TTN: variants seen among roughly 807,000 people sequenced by gnomAD.
The protein encoded by TTN is connectin.
Under a neutral mutation model 3,223.0 loss-of-function variants are expected in TTN, and 1,525 were observed. That is an observed-to-expected ratio of 0.47 (90% CI 0.45 to 0.49). TTN has a LOEUF of 0.49. TTN is among the 20% of genes least tolerant of loss of function. The pLI is 0.00. For missense variants in TTN, 40,786 were observed against 43,424.0 expected (o/e 0.94, Z 5.40); for synonymous variants, 14,094 against 15,161.0 (o/e 0.93, Z 5.17).
chr2:178,740,878 C>T lies in TTN; in HGVS notation c.12355G>A (p.Glu4119Lys). The change falls in exon 48 of 363, where the codon GAG becomes AAG. Residue 4119 changes from glutamate (E) to lysine (K), a missense_variant. Coordinates refer to ENST00000589042, the MANE Select transcript of TTN (RefSeq NM_001267550.2). Reference sequence around the variant, plus strand: ...CTTTCAGGAGTGAGCTTGTCTTGCTCCAAAATGGATTGCAATTCCTGAGCT... The same window carrying T: ...CTTTCAGGAGTGAGCTTGTCTTGCTTCAAAATGGATTGCAATTCCTGAGCT... Reference protein sequence around the residue: ...LGAQELQSILEQDKLTPESTR... With the variant: ...LGAQELQSILKQDKLTPESTR... 6.2e-7 allele frequency: 1 copy of T among 1,613,824 alleles called. No homozygotes were observed. Among genetic ancestry groups the T allele is most frequent in the Non-Finnish European group, 8.5e-7 (1 of 1,179,834 alleles).
intron 250 of TTN, 177 bp from the exon 251 acceptor site, chr2:178,619,030 TGC>T (rs2057838594): frequency 1.2e-6 from 1 of 819,108 alleles, no homozygotes; most frequent in African/African-American, 1.8e-5. Flanking sequence ...GTTGTTGTTG[TGC>T]GTGCAAATTA....
chr2:178,743,576 T>C (rs2082886785), intron 47 of TTN, among the ~76,000 whole-genome samples: 1 of 152,000 alleles, frequency 6.6e-6, no homozygotes, highest in Non-Finnish European at 1.5e-5. Context: ...TTTCAGCTCT[T>C]CCTGAAATCC....
Position 178,530,481 on chromosome 2 carries a change from G to T in TTN, c.106134C>A (p.Ala35378=), listed in dbSNP as rs372562222. 8 of 1,613,840 alleles carry T rather than the reference G, an allele frequency of 5.0e-6. 1 individual carries two copies. In the African/African-American group the frequency reaches 9.3e-5, roughly 19 times the overall value. ...SKTNLQFMGQ[A]FKSIHEKVSK... is the part of the protein sequence containing the mutation. ...ATACCTTCTCATGGATACTCTTAAA[G>T]GCTTGCCCCATAAATTGTAAGTTGG... is the stretch of plus-strand genomic sequence containing the variant. Residue 35378 remains alanine, a synonymous_variant, in exon 358 of 363, where the codon GCC becomes GCA. Transcript: ENST00000589042.
At chr2:178,582,739 A>C in intron 313 of TTN, 147 bp from the exon 314 acceptor site, 2 of 962,996 alleles carry the variant, frequency 2.1e-6, no homozygotes, top group Non-Finnish European at 2.9e-6. Flanking sequence ...TAGTTTCTTC[A>C]CTTGTAAAAT....
In TTN at chr2:178,734,383, A is replaced by G; in HGVS notation, c.15441T>C (p.Cys5147=). Residue 5147 remains cysteine (C), a synonymous_variant, in exon 52 of 363, where the codon TGT becomes TGC. Transcript: ENST00000589042. ...ACTTGCCGACTTCATTAGCAACAAC[A>G]CATTCATATTCACCAACATCTGCAC... ...FNSADVGEYE[C]VVANEVGKCG... The G allele has an allele frequency of 6.2e-7, 1 of 1,612,226 alleles. No homozygotes were observed. Among genetic ancestry groups the G allele is most frequent in the African/African-American group, 1.3e-5 (1 of 74,992 alleles).
At chr2:178,749,090 G>A (rs1032666333) in intron 47 of TTN, 5 of 1,612,762 alleles carry the variant, frequency 3.1e-6, no homozygotes, top group Non-Finnish European at 4.2e-6. Flanking sequence ...TACAATGGCA[G>A]ATGAATCTTT....
At position 178,728,711 on chromosome 2, in the gene TTN, T is replaced by C; in HGVS notation, c.19215A>G (p.Glu6405=). ...DVTEKDPMTL[E]CVVAGTPELK... The stretch of plus-strand genomic sequence containing the variant: ...GTTCTGGTGTTCCAGCCACAACACA[T>C]TCCAAGGTCATGGGATCTTTCTCCG... Residue 6405 remains glutamate, a synonymous_variant, in exon 66 of 363, where the codon GAA becomes GAG. Coordinates refer to ENST00000589042, the MANE Select transcript of TTN (RefSeq NM_001267550.2). 1 of 1,612,748 alleles carries C rather than the reference T, an allele frequency of 6.2e-7. No homozygotes were observed. The highest frequency in any genetic ancestry group is 8.5e-7 in the Non-Finnish European group (1 of 1,178,924).
At chr2:178,789,561 C>T in intron 12 of TTN, 64 bp from the exon 13 acceptor site, 2 of 1,600,020 alleles carry the variant, frequency 1.2e-6, no homozygotes, top group Non-Finnish European at 8.5e-7. Flanking sequence ...TAGTATGACC[C>T]TTCCCCCTTC....
chr2:178,675,509 GA>G (rs2067883262), intron 149 of TTN, among the ~76,000 whole-genome samples, 161 bp downstream of exon 149: 1 of 151,736 alleles, frequency 6.6e-6, no homozygotes, highest in South Asian at 2.1e-4. Flanking sequence ...AACACCAAGT[GA>G]AAAAATGGAC....
At position 178,730,081 on chromosome 2, in the gene TTN, T is replaced by A; in HGVS notation, c.18307+12A>T. 6.2e-7 allele frequency: 1 copy of A among 1,607,266 alleles called. No homozygotes were observed. The highest frequency in any genetic ancestry group is 8.5e-7 in the Non-Finnish European group (1 of 1,177,188). On this transcript the variant is annotated intron_variant, in intron 62 of 362. Transcript: ENST00000589042. ...AGACAAGCAAGAAAGTGAGGAGATGTAGAGACCAGACCTTTTACAAAGAGA... is the reference window on the plus strand; with the variant it reads ...AGACAAGCAAGAAAGTGAGGAGATGAAGAGACCAGACCTTTTACAAAGAGA...
rs1371613871 is a variant in TTN, at chr2:178,741,808, T to A, written c.11425A>T (p.Thr3809Ser). The A allele has an allele frequency of 6.2e-7, 1 of 1,613,098 alleles. No individual in the cohort carries two copies. Among genetic ancestry groups the A allele is most frequent in the Non-Finnish European group, 8.5e-7 (1 of 1,179,528 alleles). Residue 3809 changes from threonine to serine, a missense_variant, in exon 48 of 363, where the codon ACT becomes TCT. By Grantham distance (58) the Thr-to-Ser change is moderately conservative. Transcript: ENST00000589042. ...CCTTCCTTTTCGGAATCAAATTTAGTTGGGTAAACTGGAGATTCAGACAAA... is the reference window on the plus strand; with the variant it reads ...CCTTCCTTTTCGGAATCAAATTTAGATGGGTAAACTGGAGATTCAGACAAA... ...ELLSESPVYPTKFDSEKEGTG... is the reference protein window; with the variant it reads ...ELLSESPVYPSKFDSEKEGTG...
At position 178,728,141 on chromosome 2, in the gene TTN, A is replaced by G. The variant is rs767848507; in HGVS notation, c.19683T>C (p.Asp6561=). 1 of 1,601,040 alleles carries G rather than the reference A, an allele frequency of 6.2e-7. No individual in the cohort carries two copies. The highest frequency in any genetic ancestry group is 8.5e-7 in the Non-Finnish European group (1 of 1,172,516). ...YTCKVSNVAG[D]DACSGILTVK... ...CAGTTAAGATGCCACTGCATGCATC[A>G]TCTCCTGCTACATTTGACACTTTGC... The change falls in exon 67 of 363, where the codon GAT becomes GAC. Residue 6561 remains aspartate (D), a synonymous_variant. Coordinates refer to ENST00000589042, the MANE Select transcript of TTN (RefSeq NM_001267550.2).
rs794729411 is a variant in TTN at position 178,681,681 on chromosome 2, G to C, written c.33152C>G (p.Pro11051Arg). 9 of 1,604,796 alleles carry C rather than the reference G, an allele frequency of 5.6e-6. No homozygotes were observed. The highest frequency in any genetic ancestry group is 7.6e-6 in the Non-Finnish European group (9 of 1,177,604). The change falls in exon 136 of 363, where the codon CCA becomes CGA. Residue 11051 changes from proline (P) to arginine (R), a missense_variant. Physicochemically the swap from Pro to Arg is moderately radical, Grantham distance 103. Coordinates refer to ENST00000589042, the MANE Select transcript of TTN (RefSeq NM_001267550.2). ...PVPEEPVPTK[P>R]KAPPAKVLKK... ...TCTACCTTTAGCCGGTGGGGCCTTT[G>C]GTTTTGTGGGAACTGGTTCTTCTGG... is the stretch of plus-strand genomic sequence containing the variant.
In TTN at chr2:178,587,798, G is replaced by A; in HGVS notation, c.63511C>T (p.Pro21171Ser). Residue 21171 changes from proline to serine, a missense_variant and splice_region_variant, in exon 306 of 363, where the codon CCT (proline) becomes TCT (serine). Physicochemically the swap from Pro to Ser is moderately conservative, Grantham distance 74. Coordinates refer to ENST00000589042, the MANE Select transcript of TTN (RefSeq NM_001267550.2). ...EAIKPKEILEPPEIDLDASMR... is the reference protein window; with the variant it reads ...EAIKPKEILESPEIDLDASMR... ...CTGGCATCCAAATCAATCTCCGGAG[G>A]TTCTGCAAATGACATTAAGGTCATT... 1 of 1,595,132 alleles carries A rather than the reference G, an allele frequency of 6.3e-7. No individual in the cohort carries two copies. Among genetic ancestry groups the A allele is most frequent in the Non-Finnish European group, 8.5e-7 (1 of 1,169,986 alleles).
At position 178,717,075 on chromosome 2, in the gene TTN, T is replaced by G. The variant is rs1293169849; in HGVS notation, c.25639+20A>C. The stretch of plus-strand genomic sequence containing the variant: ...ACTGAAAATGTAAAAGAGATCTTGC[T>G]CCTTCACTCTAACAAGTACCTTGTA... On this transcript the variant is annotated intron_variant, in intron 88 of 362. Transcript: ENST00000589042. 3.1e-6 allele frequency: 5 copies of G among 1,589,040 alleles called. No individual in the cohort carries two copies. The highest frequency in any genetic ancestry group is 4.3e-6 in the Non-Finnish European group (5 of 1,164,718).
intron 138 of TTN, 62 bp downstream of exon 138, chr2:178,681,017 G>T: frequency 7.5e-7 from 1 of 1,329,350 alleles, no homozygotes; most frequent in Non-Finnish European, 1.0e-6. Flanking sequence ...ATGAATCATA[G>T]TTACATTAAT....
intron 78 of TTN, 23 bp downstream of exon 78, chr2:178,721,824 T>C (rs753078112): frequency 1.6e-5 from 23 of 1,472,892 alleles, no homozygotes; most frequent in Non-Finnish European, 2.1e-5. Context: ...GAACAAATAT[T>C]GTCAAAAGTC....
Position 178,550,206 on chromosome 2 carries a change from A to G in TTN, c.91632T>C (p.Leu30544=), listed in dbSNP as rs909346656. Residue 30544 remains leucine (L), a synonymous_variant, in exon 337 of 363, where the codon CTT becomes CTC. Transcript: ENST00000589042. The part of the protein sequence containing the change: ...DGLIIKSGES[L]RIKALVQGRP... ...TTCCTTGTACCAAAGCTTTAATTCT[A>G]AGGCTCTCTCCGGACTTAATAATGA... 1.2e-6 allele frequency: 2 copies of G among 1,613,688 alleles called. No homozygotes were observed. Among genetic ancestry groups the G allele is most frequent in the Non-Finnish European group, 1.7e-6 (2 of 1,179,694 alleles).
chr2:178,531,350 T>C lies in TTN; in HGVS notation c.105265A>G (p.Thr35089Ala). The C allele has an allele frequency of 6.2e-7, 1 of 1,614,042 alleles. No homozygotes were observed. The highest frequency in any genetic ancestry group is 1.1e-5 in the South Asian group (1 of 91,090). Reference protein sequence around the residue: ...VREVKSQMTETRESLSSYEHS... With the variant: ...VREVKSQMTEARESLSSYEHS... ...TCATATGAGGAGAGACTTTCCCTTG[T>C]CTCCGTCATCTGTGATTTCACTTCC... is the stretch of plus-strand genomic sequence containing the variant. Residue 35089 changes from threonine to alanine, a missense_variant, in exon 358 of 363, where the codon ACA (threonine) becomes GCA (alanine). Thr to Ala is a moderately conservative substitution (Grantham distance 58). Transcript: ENST00000589042.
Sources: gnomAD v4.1 joint callset for allele counts (sites outside exome capture counted in the v4.1 genomes callset) on GRCh38, gnomAD v4.1.1 for gene constraint, MANE v1.5 for transcripts, NCBI Gene and HGNC (gene_info 2026-07-23, HGNC 2026-07-21) for gene names.